PRKD3: variants seen among roughly 807,000 people sequenced by gnomAD.
The protein encoded by PRKD3 is serine/threonine-protein kinase D3.
A neutral mutation model predicts 99.2 loss-of-function variants in PRKD3; 47 were observed. The observed-to-expected ratio is 0.47, with a 90% CI of 0.38 to 0.60. The LOEUF (loss-of-function observed/expected upper bound fraction) is 0.60, where lower values mean the gene tolerates loss of function less well. PRKD3 is among the 20% of genes least tolerant of loss of function. The pLI, the probability that PRKD3 is intolerant of heterozygous loss-of-function variation, is 0.00. For missense variants in PRKD3, 1,019 were observed against 1,088.4 expected (o/e 0.94, Z 0.90); for synonymous variants, 392 against 355.4 (o/e 1.10, Z -1.16).
chr2:37,277,524 A>G lies in PRKD3; in HGVS notation c.1296+342T>C, dbSNP rs75892525. Among the ~76,000 whole-genome samples the G allele has an allele frequency of 2.5e-3, 377 of 152,244 alleles. 3 individuals carry two copies. Among genetic ancestry groups the G allele is most frequent in the African/African-American group, 8.8e-3 (365 of 41,564 alleles). On this transcript the variant is annotated intron_variant, in intron 9 of 18. Coordinates refer to ENST00000234179, the MANE Select transcript of PRKD3 (RefSeq NM_005813.6). ...ATAAAACCAAACATGCTTCCTTCCT[A>G]TCTTTGGTAATAAGATGACTTTTTA... is the stretch of plus-strand genomic sequence containing the variant.
intron 12 of PRKD3, 74 bp downstream of exon 12, chr2:37,272,305 CT>C: frequency 1.3e-6 from 2 of 1,562,452 alleles, no homozygotes; most frequent in Non-Finnish European, 1.7e-6. Flanking sequence ...ACCAATTTCT[CT>C]AATAAAGATT....
rs558021855 is a variant in PRKD3, at chr2:37,305,047, A to C, written c.288+11190T>G. Among the ~76,000 whole-genome samples, 8 of 152,330 alleles carry C rather than the reference A, an allele frequency of 5.3e-5. No homozygotes were observed. The East Asian group carries it at 1.2e-3, about 22-fold the overall frequency. ...CCTAGACAAAAAAAGTAGGGGTAGA[A>C]TAAAGAGCAGGATGTCACTAAGCTG... On this transcript the variant is annotated intron_variant, in intron 2 of 18. Coordinates refer to ENST00000234179, the MANE Select transcript of PRKD3 (RefSeq NM_005813.6).
intron 2 of PRKD3, among the ~76,000 whole-genome samples, chr2:37,299,898 G>C (rs113832124): frequency 2.0e-5 from 3 of 152,134 alleles, no homozygotes; most frequent in African/African-American, 7.2e-5. Context: ...TGTTGGTGAG[G>C]ATGCAAAGAA....
Position 37,301,478 on chromosome 2 carries a change from G to A in PRKD3, c.289-8207C>T, listed in dbSNP as rs141187717. Among the ~76,000 whole-genome samples, 233 of 147,698 alleles carry A rather than the reference G, an allele frequency of 1.6e-3. 6 individuals are homozygous for A. The East Asian group carries it at 0.035, about 22-fold the overall frequency. ...TTTTGAGTGGGGGTCTCCCTCTGTT[G>A]CCCACAATGTAGTGGCTTGATCACT... On this transcript the variant is annotated intron_variant, in intron 2 of 18. Transcript: ENST00000234179.
chr2:37,316,153 G>C, intron 2 of PRKD3, 84 bp downstream of exon 2: 4 of 1,344,260 alleles, frequency 3.0e-6, no homozygotes, highest in Non-Finnish European at 4.1e-6. Flanking sequence ...GGATCAGTAT[G>C]TCTTAACTCA....
Position 37,251,911 on chromosome 2 carries a change from G to C in PRKD3, c.*1266C>G, listed in dbSNP as rs1435963343. The C allele has an allele frequency of 6.6e-6, 1 of 152,018 alleles. No homozygotes were observed. The highest frequency in any genetic ancestry group is 1.5e-5 in the Non-Finnish European group (1 of 68,000). 9.4% of individuals were successfully genotyped at this position (152,018 alleles called of 1,614,324 possible). On this transcript the variant is annotated 3_prime_UTR_variant, in exon 19 of 19. Transcript: ENST00000234179. ...AAAAAAGGTTTACAATGATTACTGAGAAATGAAGAAATAAGCCACTGTTTC... is the reference window on the plus strand; with the variant it reads ...AAAAAAGGTTTACAATGATTACTGACAAATGAAGAAATAAGCCACTGTTTC...
rs764108155 is a variant in PRKD3 at position 37,316,572 on chromosome 2, G to T, written c.-48C>A. 22 of 1,554,910 alleles carry T rather than the reference G, an allele frequency of 1.4e-5. No homozygotes were observed. Among genetic ancestry groups the T allele is most frequent in the Non-Finnish European group, 1.9e-5 (22 of 1,154,470 alleles). On this transcript the variant is annotated 5_prime_UTR_variant, in exon 2 of 19. Transcript: ENST00000234179. ...AATAGTTGTCGATTCTTTTTCAATG[G>T]TTATGAAGAGGTTTTTAAAATAACA...
In PRKD3 at chr2:37,279,732, T is replaced by G. The variant is rs374172891; in HGVS notation, c.1172+14A>C. The G allele has an allele frequency of 1.3e-6, 2 of 1,586,454 alleles. No individual in the cohort carries two copies. The highest frequency in any genetic ancestry group is 1.7e-6 in the Non-Finnish European group (2 of 1,166,194). The stretch of plus-strand genomic sequence containing the variant: ...TTGCATCTGGAAGTAGCTTGTAATA[T>G]GTATATATATTACCTGATTGTTTTA... On this transcript the variant is annotated intron_variant, in intron 8 of 18. Transcript: ENST00000234179.
chr2:37,303,494 C>G (rs938224111), intron 2 of PRKD3, among the ~76,000 whole-genome samples: 13 of 152,020 alleles, frequency 8.6e-5, no homozygotes, highest in Non-Finnish European at 1.0e-4. Flanking sequence ...TGGGGGGTTT[C>G]AGGCACCACA....
chr2:37,307,334 A>C (rs980608043), intron 2 of PRKD3, among the ~76,000 whole-genome samples: 1 of 152,238 alleles, frequency 6.6e-6, no homozygotes, highest in Non-Finnish European at 1.5e-5. Flanking sequence ...AAAATTTCAG[A>C]GCATTCTAGA....
intron 7 of PRKD3, among the ~76,000 whole-genome samples, chr2:37,280,245 ATGT>A (rs1669794425): frequency 6.6e-6 from 1 of 151,942 alleles, no homozygotes; most frequent in Non-Finnish European, 1.5e-5. Flanking sequence ...GGGTTTCGCC[ATGT>A]TGGCCAGGCT....
At chr2:37,276,074 G>A (rs1669554720) in intron 9 of PRKD3, among the ~76,000 whole-genome samples, 1 of 152,004 alleles carries the variant, frequency 6.6e-6, no homozygotes, top group East Asian at 1.9e-4. Context: ...ATGTTATCAG[G>A]TTTCTGGGAA....
intron 4 of PRKD3, among the ~76,000 whole-genome samples, chr2:37,289,955 T>C (rs1398265786): frequency 3.9e-5 from 6 of 152,182 alleles, no homozygotes; most frequent in Non-Finnish European, 8.8e-5. Flanking sequence ...AAACTCAAAT[T>C]TCAATGTCCC....
chr2:37,287,955 C>T (rs998254278), intron 5 of PRKD3, among the ~76,000 whole-genome samples: 1 of 152,142 alleles, frequency 6.6e-6, no homozygotes, highest in Non-Finnish European at 1.5e-5. Flanking sequence ...CCCTGAAAGC[C>T]CTTCCATGCT....
At chr2:37,314,444 A>G (rs1208764705) in intron 2 of PRKD3, among the ~76,000 whole-genome samples, 1 of 152,146 alleles carries the variant, frequency 6.6e-6, no homozygotes, top group Non-Finnish European at 1.5e-5. Context: ...CAAGAATTTC[A>G]CCCACTGACC....
Position 37,316,533 on chromosome 2 carries a change from C to G in PRKD3, c.-9G>C, listed in dbSNP as rs1671667299. On this transcript the variant is annotated 5_prime_UTR_variant, in exon 2 of 19. Transcript: ENST00000234179. ...GAATTATTTGCAGACATCTGCCTTT[C>G]TTTAATCTTTTAAAATAGTTGTCGA... 6.2e-7 allele frequency: 1 copy of G among 1,605,638 alleles called. No homozygotes were observed. Among genetic ancestry groups the G allele is most frequent in the East Asian group, 2.2e-5 (1 of 44,794 alleles).
At chr2:37,291,330 C>G (rs1180012424) in intron 3 of PRKD3, among the ~76,000 whole-genome samples, 2 of 152,158 alleles carry the variant, frequency 1.3e-5, no homozygotes, top group African/African-American at 2.4e-5. Context: ...AAATAGAACA[C>G]TAAAGTAAAA....
chr2:37,256,696 G>A lies in PRKD3; in HGVS notation c.2379C>T (p.Tyr793=), dbSNP rs1400381705. The A allele has an allele frequency of 2.6e-6, 4 of 1,537,184 alleles. No homozygotes were observed. The highest frequency in any genetic ancestry group is 1.5e-5 in the African/African-American group (1 of 68,662). The change falls in exon 17 of 19, where the codon TAC becomes TAT. Residue 793 remains tyrosine (Y), a synonymous_variant. Transcript: ENST00000234179. Reference sequence around the variant, plus strand: ...AAATTTCTCTCCATGGATTTGGTGGGTACATAAATGCAGCATTTTGGATTT... The same window carrying A: ...AAATTTCTCTCCATGGATTTGGTGGATACATAAATGCAGCATTTTGGATTT... ...NDQIQNAAFM[Y]PPNPWREISG... is the part of the protein sequence containing the mutation.
At chr2:37,261,403 C>T (rs1558528443) in intron 14 of PRKD3, among the ~76,000 whole-genome samples, 1 of 151,892 alleles carries the variant, frequency 6.6e-6, no homozygotes, top group Non-Finnish European at 1.5e-5. Context: ...AGGAGAATCA[C>T]TTGAACCTGG....
Sources: gnomAD v4.1 joint callset for allele counts (sites outside exome capture counted in the v4.1 genomes callset) on GRCh38, gnomAD v4.1.1 for gene constraint, MANE v1.5 for transcripts, NCBI Gene and HGNC (gene_info 2026-07-23, HGNC 2026-07-21) for gene names.